The following OCA2 variants were observed in gnomAD, a reference collection of about 807,000 sequenced individuals.
The protein encoded by OCA2 is P protein.
A neutral mutation model predicts 100.2 loss-of-function variants in OCA2; 77 were observed. The observed-to-expected ratio is 0.77, with a 90% CI of 0.64 to 0.93. The LOEUF is 0.93. OCA2 is among the 40% of genes least tolerant of loss of function. OCA2 has a pLI of 0.00. For missense variants in OCA2, 1,062 were observed against 1,089.1 expected (o/e 0.98, Z 0.35); for synonymous variants, 432 against 439.2 (o/e 0.98, Z 0.21).
In OCA2 at chr15:28,057,117, C is replaced by G. The variant is rs573116845; in HGVS notation, c.227+24531G>C. ...CAATGATTGATAGCATAAAATAGAA[C>G]ACATGTTTCAGAAAGGATTCTGGCA... is the stretch of plus-strand genomic sequence containing the variant. On this transcript the variant is annotated intron_variant, in intron 2 of 23. Transcript: ENST00000354638. Among the ~76,000 whole-genome samples the G allele has an allele frequency of 3.3e-5, 5 of 152,238 alleles. No individual in the cohort carries two copies. In the South Asian group the frequency reaches 6.2e-4, roughly 19 times the overall value.
At chr15:27,825,679 G>A (rs2034693373) in intron 23 of OCA2, among the ~76,000 whole-genome samples, 1 of 152,138 alleles carries the variant, frequency 6.6e-6, no homozygotes, top group African/African-American at 2.4e-5. Context: ...GCCTCCATGG[G>A]GCTACCTTTG....
At chr15:27,829,051 T>C (rs1402676977) in intron 23 of OCA2, among the ~76,000 whole-genome samples, 1 of 152,134 alleles carries the variant, frequency 6.6e-6, no homozygotes, top group Non-Finnish European at 1.5e-5. Context: ...CAGCTCACAC[T>C]TGGGGAGGCA....
chr15:27,861,282 G>A (rs1426763883), intron 21 of OCA2, among the ~76,000 whole-genome samples: 1 of 152,168 alleles, frequency 6.6e-6, no homozygotes, highest in East Asian at 1.9e-4. Context: ...AAGGAAGAGT[G>A]GGGAAAGATG....
intron 19 of OCA2, among the ~76,000 whole-genome samples, chr15:27,897,757 A>T (rs1215434823): frequency 6.6e-6 from 1 of 152,138 alleles, no homozygotes; most frequent in Non-Finnish European, 1.5e-5. Context: ...AGAATGGTAG[A>T]TCCACTGACA....
intron 21 of OCA2, among the ~76,000 whole-genome samples, chr15:27,868,975 C>T (rs1215656124): frequency 1.3e-5 from 2 of 152,184 alleles, no homozygotes; most frequent in East Asian, 1.9e-4. Context: ...CCACCCACTT[C>T]GCAGATCCCT....
At chr15:27,724,868 C>T in the OCA2 span, among the ~76,000 whole-genome samples, 1 of 150,676 alleles carries the variant, frequency 6.6e-6, no homozygotes, top group Admixed American at 6.6e-5. Context: ...TGGATAAAGT[C>T]AATCAGGAAC....
chr15:27,964,412 C>T (rs929877285), intron 15 of OCA2, among the ~76,000 whole-genome samples: 2 of 152,216 alleles, frequency 1.3e-5, no homozygotes, highest in South Asian at 2.1e-4. Context: ...GTAAGTCATG[C>T]TCTCTCCCAT....
At chr15:28,037,730 T>C (rs1352778396) in intron 2 of OCA2, among the ~76,000 whole-genome samples, 1 of 152,208 alleles carries the variant, frequency 6.6e-6, no homozygotes, top group Non-Finnish European at 1.5e-5. Context: ...ATCCTCATTT[T>C]AAAAGGAGCA....
Position 27,755,095 on chromosome 15 carries a change from G to A in OCA2, c.*293C>T. 1 of 394,080 alleles carries A rather than the reference G, an allele frequency of 2.5e-6. No homozygotes were observed. Among genetic ancestry groups the A allele is most frequent in the South Asian group, 2.1e-5 (1 of 46,544 alleles). 24.4% of individuals were successfully genotyped at this position (394,080 alleles called of 1,614,324 possible). On this transcript the variant is annotated 3_prime_UTR_variant, in exon 24 of 24. Transcript: ENST00000354638. ...GGATGTGTGTCTTTTCCTATGTATA[G>A]CAGGAAGGGTTTTTAAACATACGTA...
At chr15:27,863,818 T>G (rs980648198) in intron 21 of OCA2, among the ~76,000 whole-genome samples, 3 of 152,252 alleles carry the variant, frequency 2.0e-5, no homozygotes, top group Non-Finnish European at 4.4e-5. Flanking sequence ...CAATATTTTT[T>G]GTTGAAAACA....
At chr15:27,724,878 C>T in the OCA2 span, among the ~76,000 whole-genome samples, 2 of 151,000 alleles carry the variant, frequency 1.3e-5, no homozygotes, top group African/African-American at 4.9e-5. Flanking sequence ...CAATCAGGAA[C>T]TCAGTGTTAT....
chr15:27,948,885 A>G lies in OCA2; in HGVS notation c.1951+2899T>C, dbSNP rs146276591. ...TGATTCCATGTATATGACAGCCCCAAAAACACAAAACCATAGTGATGGAGA... is the reference window on the plus strand; with the variant it reads ...TGATTCCATGTATATGACAGCCCCAGAAACACAAAACCATAGTGATGGAGA... On this transcript the variant is annotated intron_variant, in intron 18 of 23. Transcript: ENST00000354638. Among the ~76,000 whole-genome samples, 225 of 152,312 alleles carry G rather than the reference A, an allele frequency of 1.5e-3. 1 individual carries two copies. Among genetic ancestry groups the G allele is most frequent in the African/African-American group, 5.0e-3 (207 of 41,558 alleles).
At chr15:28,017,547 C>A (rs1817233127) in intron 7 of OCA2, among the ~76,000 whole-genome samples, 1 of 152,188 alleles carries the variant, frequency 6.6e-6, no homozygotes, top group South Asian at 2.1e-4. Context: ...AAGACCCTGG[C>A]CAGGGCAGCC....
intron 2 of OCA2, among the ~76,000 whole-genome samples, chr15:28,033,179 C>T (rs1051327258): frequency 6.6e-6 from 1 of 152,206 alleles, no homozygotes; most frequent in Non-Finnish European, 1.5e-5. Context: ...TTAAAGGACA[C>T]ATGATGTTAA....
At chr15:27,728,309 C>G in the OCA2 span, among the ~76,000 whole-genome samples, 83 of 151,974 alleles carry the variant, frequency 5.5e-4, no homozygotes, top group Non-Finnish European at 4.0e-4. Flanking sequence ...GTTTTGAAAT[C>G]AAGAAGGGAA....
the OCA2 span, among the ~76,000 whole-genome samples, chr15:27,735,614 G>A: frequency 3.9e-5 from 6 of 152,166 alleles, no homozygotes; most frequent in East Asian, 3.9e-4. Context: ...AAAGTAGCAA[G>A]AGTAAAGAAG....
chr15:27,963,112 A>G (rs894539545), intron 15 of OCA2, among the ~76,000 whole-genome samples: 1 of 152,214 alleles, frequency 6.6e-6, no homozygotes, highest in Admixed American at 6.5e-5. Flanking sequence ...GTGCCCTAAT[A>G]GTAAACTTTT....
intron 19 of OCA2, among the ~76,000 whole-genome samples, chr15:27,886,625 T>C (rs1035962426): frequency 6.6e-6 from 1 of 152,172 alleles, no homozygotes; most frequent in Non-Finnish European, 1.5e-5. Context: ...AAATACAATA[T>C]AGCGAATATA....
chr15:28,046,154 A>G (rs1427137650), intron 2 of OCA2, among the ~76,000 whole-genome samples: 1 of 152,140 alleles, frequency 6.6e-6, no homozygotes, highest in Admixed American at 6.5e-5. Context: ...CTCTTCTTCC[A>G]CACTCCAGAT....
Sources: allele counts gnomAD v4.1 joint callset (sites outside exome capture counted in the v4.1 genomes callset), GRCh38; gene constraint gnomAD v4.1.1; transcripts MANE v1.5; gene names NCBI Gene and HGNC (gene_info 2026-07-23, HGNC 2026-07-21).